The following BRINP3 variants were observed in gnomAD, a reference collection of about 807,000 sequenced individuals.
BRINP3 encodes the protein BMP/retinoic acid inducible neural specific 3.
Under a neutral mutation model 71.0 loss-of-function variants are expected in BRINP3, and 19 were observed. The ratio of observed to expected loss-of-function variants is 0.27; its 90% CI spans 0.19 to 0.39. The LOEUF (loss-of-function observed/expected upper bound fraction) is 0.39. Ranked by LOEUF, BRINP3 falls within the 10% of genes least tolerant of loss-of-function variation. BRINP3 has a pLI of 1.00. For missense variants in BRINP3, 959 were observed against 940.8 expected (o/e 1.02, Z -0.25); for synonymous variants, 380 against 337.7 (o/e 1.13, Z -1.37).
At chr1:190,159,366 G>T (rs1657145663) in intron 7 of BRINP3, among the ~76,000 whole-genome samples, 1 of 151,932 alleles carries the variant, frequency 6.6e-6, no homozygotes, top group Non-Finnish European at 1.5e-5. Context: ...CTCCACTTTG[G>T]TATATACCCA....
chr1:190,133,525 A>T (rs1419546103), intron 7 of BRINP3, among the ~76,000 whole-genome samples: 2 of 152,054 alleles, frequency 1.3e-5, no homozygotes, highest in Non-Finnish European at 2.9e-5. Flanking sequence ...GGAATGGATT[A>T]AAAAAAGTAT....
intron 2 of BRINP3, among the ~76,000 whole-genome samples, chr1:190,365,499 T>A (rs1669424723): frequency 6.7e-6 from 1 of 148,834 alleles, no homozygotes; most frequent in Non-Finnish European, 1.5e-5. Context: ...TAATGTTATA[T>A]GATTAATATG....
chr1:190,467,906 T>A (rs551562309), intron 1 of BRINP3, among the ~76,000 whole-genome samples: 4 of 151,424 alleles, frequency 2.6e-5, no homozygotes, highest in African/African-American at 4.8e-5. Flanking sequence ...AGAAAGAAAA[T>A]TAAAATGAGA....
intron 3 of BRINP3, among the ~76,000 whole-genome samples, chr1:190,271,545 T>C (rs1662111650): frequency 1.3e-5 from 2 of 151,636 alleles, no homozygotes. Context: ...TAGAAGTTTC[T>C]AGTAAATTTA....
At chr1:190,210,931 T>A (rs1260141815) in intron 6 of BRINP3, among the ~76,000 whole-genome samples, 1 of 152,122 alleles carries the variant, frequency 6.6e-6, no homozygotes, top group Non-Finnish European at 1.5e-5. Context: ...ATCTTTCTCC[T>A]GTGCCGGGTG....
chr1:190,450,736 G>T (rs1405673318), intron 2 of BRINP3, among the ~76,000 whole-genome samples: 3 of 151,758 alleles, frequency 2.0e-5, no homozygotes, highest in Non-Finnish European at 4.4e-5. Context: ...TTCCTATTGA[G>T]ATCATTATTC....
At chr1:190,268,182 C>T (rs568785055) in intron 3 of BRINP3, among the ~76,000 whole-genome samples, 2 of 152,176 alleles carry the variant, frequency 1.3e-5, no homozygotes, top group African/African-American at 4.8e-5. Context: ...ACGCTGCTAT[C>T]CTCTATTACT....
chr1:190,198,883 T>G (rs2102602438), intron 6 of BRINP3, among the ~76,000 whole-genome samples: 1 of 152,238 alleles, frequency 6.6e-6, no homozygotes, highest in Non-Finnish European at 1.5e-5. Flanking sequence ...TTCCACATTT[T>G]TTGATATCTT....
At chr1:190,160,185 T>C (rs1407291874) in intron 7 of BRINP3, among the ~76,000 whole-genome samples, 3 of 152,080 alleles carry the variant, frequency 2.0e-5, no homozygotes, top group East Asian at 1.9e-4. Context: ...TCCTATTAAA[T>C]TTTAGAAGCT....
intron 2 of BRINP3, among the ~76,000 whole-genome samples, chr1:190,341,849 T>TAACA (rs1667678807): frequency 6.6e-6 from 1 of 151,924 alleles, no homozygotes; most frequent in African/African-American, 2.4e-5. Flanking sequence ...ATTTGTTTCC[T>TAACA]GTTTCTACCT....
At chr1:190,160,049 A>G (rs1657214658) in intron 7 of BRINP3, among the ~76,000 whole-genome samples, 1 of 151,996 alleles carries the variant, frequency 6.6e-6, no homozygotes, top group Admixed American at 6.6e-5. Context: ...TTGTTTTCGA[A>G]CTGACCTCAA....
chr1:190,138,480 A>C (rs1352904802), intron 7 of BRINP3, among the ~76,000 whole-genome samples: 1 of 152,240 alleles, frequency 6.6e-6, no homozygotes, highest in Non-Finnish European at 1.5e-5. Flanking sequence ...GGTATGAGTC[A>C]GAAAATGACT....
chr1:190,163,878 T>G (rs1259437453), intron 6 of BRINP3, among the ~76,000 whole-genome samples: 1 of 152,124 alleles, frequency 6.6e-6, no homozygotes, highest in Non-Finnish European at 1.5e-5. Context: ...TAAATATTAA[T>G]TCAATTATTT....
intron 6 of BRINP3, among the ~76,000 whole-genome samples, chr1:190,178,830 G>T (rs1269182781): frequency 6.6e-6 from 1 of 152,064 alleles, no homozygotes; most frequent in Non-Finnish European, 1.5e-5. Flanking sequence ...AATGAAAAAA[G>T]TCAAGAGAAA....
rs561405400 is a variant in BRINP3 at position 190,111,583 on chromosome 1, T to A, written c.1185-12449A>T. Among the ~76,000 whole-genome samples, 13 of 152,262 alleles carry A rather than the reference T, an allele frequency of 8.5e-5. No individual in the cohort carries two copies. The East Asian group carries it at 9.7e-4, about 11-fold the overall frequency. Reference sequence around the variant, plus strand: ...GTTAGAGGTAGCTATGTTACGCAGTTCTGAAACAAACAGAAGTCTAATGTG... The same window carrying A: ...GTTAGAGGTAGCTATGTTACGCAGTACTGAAACAAACAGAAGTCTAATGTG... On this transcript the variant is annotated intron_variant, in intron 7 of 7. Transcript: ENST00000367462.
intron 2 of BRINP3, among the ~76,000 whole-genome samples, chr1:190,356,695 T>C (rs975709455): frequency 6.6e-6 from 1 of 151,884 alleles, no homozygotes; most frequent in Non-Finnish European, 1.5e-5. Flanking sequence ...AATCATAAGG[T>C]TCTTAATCTA....
chr1:190,169,180 AT>A (rs1651806457), intron 6 of BRINP3, among the ~76,000 whole-genome samples: 2 of 152,146 alleles, frequency 1.3e-5, no homozygotes, highest in Non-Finnish European at 2.9e-5. Context: ...AATAAACGTT[AT>A]TTATATTGAG....
chr1:190,417,177 G>A (rs1673061601), intron 2 of BRINP3, among the ~76,000 whole-genome samples: 1 of 151,298 alleles, frequency 6.6e-6, no homozygotes, highest in East Asian at 1.9e-4. Context: ...ACAAACTAAG[G>A]TAAATAAAAC....
intron 2 of BRINP3, among the ~76,000 whole-genome samples, chr1:190,356,492 T>C (rs1668739198): frequency 6.6e-6 from 1 of 151,878 alleles, no homozygotes. Context: ...TATAACAAAT[T>C]ACTAGAAACT....
Sources: allele counts gnomAD v4.1 joint callset (sites outside exome capture counted in the v4.1 genomes callset), GRCh38; gene constraint gnomAD v4.1.1; transcripts MANE v1.5; gene names NCBI Gene and HGNC (gene_info 2026-07-23, HGNC 2026-07-21).